Variants in STRN3 observed in about 807,000 individuals in gnomAD.
The protein encoded by STRN3 is striatin-3.
STRN3 carries 29 observed loss-of-function variants against 95.6 expected under a neutral mutation model. The ratio of observed to expected loss-of-function variants is 0.30; its 90% CI spans 0.23 to 0.41. STRN3 has a LOEUF of 0.41. STRN3 is among the 10% of genes least tolerant of loss of function. The pLI is 1.00. For missense variants in STRN3, 890 were observed against 972.1 expected (o/e 0.92, Z 1.12); for synonymous variants, 331 against 357.6 (o/e 0.93, Z 0.84).
intron 8 of STRN3, among the ~76,000 whole-genome samples, chr14:30,927,957 T>TAAAAAAAAAAAAAAAA (rs1878276647): frequency 6.9e-6 from 1 of 144,834 alleles, no homozygotes. Flanking sequence ...AAAAAAAAAT[T>TAAAAAAAAAAAAAAAA]AAACCCTAAA....
intron 1 of STRN3, among the ~76,000 whole-genome samples, chr14:30,992,561 T>C (rs1212209190): frequency 1.3e-5 from 1 of 79,996 alleles, no homozygotes; most frequent in East Asian, 3.6e-4. Flanking sequence ...GGCCCCTGTC[T>C]CTTTAAAAAA....
At chr14:30,933,284 A>T (rs1290607170) in intron 7 of STRN3, among the ~76,000 whole-genome samples, 3 of 149,242 alleles carry the variant, frequency 2.0e-5, no homozygotes, top group Non-Finnish European at 4.5e-5. Flanking sequence ...GTTTCATAAA[A>T]AAAAAAAAAA....
intron 15 of STRN3, among the ~76,000 whole-genome samples, chr14:30,903,854 T>C (rs144710784): frequency 6.6e-6 from 1 of 152,338 alleles, no homozygotes; most frequent in Admixed American, 6.5e-5. Flanking sequence ...TAGTGGAATA[T>C]ACCCTAATTA....
chr14:31,003,958 G>A (rs1281814029), intron 1 of STRN3, among the ~76,000 whole-genome samples: 1 of 151,764 alleles, frequency 6.6e-6, no homozygotes, highest in Non-Finnish European at 1.5e-5. Flanking sequence ...TTTAAGACCA[G>A]CCTGGACAAC....
chr14:31,003,155 G>A (rs982312008), intron 1 of STRN3, among the ~76,000 whole-genome samples: 1 of 151,144 alleles, frequency 6.6e-6, no homozygotes, highest in African/African-American at 2.4e-5. Flanking sequence ...CCAGCTACTC[G>A]GGAGGCTGAG....
intron 1 of STRN3, among the ~76,000 whole-genome samples, chr14:31,016,630 G>A (rs179725): frequency 0.64 from 96,525 of 151,818 alleles, 31,684 homozygotes; most frequent in Non-Finnish European, 0.73. Flanking sequence ...TACAACCTCC[G>A]CCTCCCGGGT....
Position 30,905,537 on chromosome 14 carries a change from A to G in STRN3, c.1910T>C (p.Val637Ala). The change falls in exon 15 of 18, where the codon GTT becomes GCT. Residue 637 changes from valine (V) to alanine (A), a missense_variant. Around this residue, in one of 3 missense-constraint regions of STRN3, gnomAD observed 357 missense variants for 422.8 expected, o/e 0.84. Transcript: ENST00000357479. Reference protein sequence around the residue: ...GDKKHGIPTSVDFIGCDPAHM... With the variant: ...GDKKHGIPTSADFIGCDPAHM... ...AGCTGGATCACAGCCTATAAAGTCA[A>G]CTGATGTAGGTATTCCATGCTCTGA... is the stretch of plus-strand genomic sequence containing the variant. 2 of 1,605,216 alleles carry G rather than the reference A, an allele frequency of 1.2e-6. No individual in the cohort carries two copies. Among genetic ancestry groups the G allele is most frequent in the Non-Finnish European group, 8.5e-7 (1 of 1,176,810 alleles).
At chr14:31,018,658 C>T in intron 1 of STRN3, 1 of 466,046 alleles carries the variant, frequency 2.1e-6, no homozygotes, top group Admixed American at 2.5e-5. Context: ...ACAAAACTGG[C>T]CAGTTTCAGA....
chr14:30,947,781 G>C (rs1331858798), intron 4 of STRN3, among the ~76,000 whole-genome samples: 5 of 152,116 alleles, frequency 3.3e-5, no homozygotes, highest in African/African-American at 4.8e-5. Context: ...CACTCCTCCA[G>C]TCCTGTGATT....
intron 1 of STRN3, among the ~76,000 whole-genome samples, chr14:31,015,465 C>T (rs1009086795): frequency 6.6e-6 from 1 of 151,966 alleles, no homozygotes; most frequent in Admixed American, 6.6e-5. Flanking sequence ...CTCTGCCTCC[C>T]AGGTACAAGC....
At chr14:30,966,147 T>C (rs537600526) in intron 1 of STRN3, among the ~76,000 whole-genome samples, 2 of 152,120 alleles carry the variant, frequency 1.3e-5, no homozygotes, top group South Asian at 2.1e-4. Context: ...AGCCTGTGCA[T>C]CCAATCGGAA....
intron 9 of STRN3, among the ~76,000 whole-genome samples, chr14:30,917,819 G>A (rs1896779744): frequency 6.6e-6 from 1 of 152,118 alleles, no homozygotes; most frequent in Admixed American, 6.5e-5. Flanking sequence ...AAGGGAACAA[G>A]ATGTATTTAA....
At chr14:30,913,442 TAA>T in intron 10 of STRN3, 80 bp downstream of exon 10, 2 of 1,362,280 alleles carry the variant, frequency 1.5e-6, no homozygotes, top group African/African-American at 2.9e-5. Context: ...ACCTTGATAT[TAA>T]TTCTGTTTTA....
At chr14:30,954,111 G>T (rs1566455379) in intron 3 of STRN3, among the ~76,000 whole-genome samples, 1 of 152,038 alleles carries the variant, frequency 6.6e-6, no homozygotes, top group Non-Finnish European at 1.5e-5. Context: ...TTCCATTGTG[G>T]TTTTAAGTTG....
intron 16 of STRN3, among the ~76,000 whole-genome samples, chr14:30,896,208 C>A (rs1307157363): frequency 1.3e-5 from 2 of 152,174 alleles, no homozygotes; most frequent in Admixed American, 6.5e-5. Context: ...AATTTTAATT[C>A]AAATGCATAA....
intron 9 of STRN3, among the ~76,000 whole-genome samples, chr14:30,918,538 C>CCAAGCA (rs1357298317): frequency 1.3e-5 from 2 of 151,882 alleles, no homozygotes; most frequent in Admixed American, 6.6e-5. Flanking sequence ...AAAAAAGGTT[C>CCAAGCA]CAAGCACAAT....
rs530290836 is a variant in STRN3, at chr14:30,894,619, T to C, written c.*792A>G. On this transcript the variant is annotated 3_prime_UTR_variant, in exon 18 of 18. Transcript: ENST00000357479. Reference sequence around the variant, plus strand: ...AATACACTTAATAGTCCTTGGTTTATGAAGACATTTATGTGATGATGAAAG... The same window carrying C: ...AATACACTTAATAGTCCTTGGTTTACGAAGACATTTATGTGATGATGAAAG... 1 of 155,278 alleles carries C rather than the reference T, an allele frequency of 6.4e-6. No homozygotes were observed. Among genetic ancestry groups the C allele is most frequent in the East Asian group, 1.9e-4 (1 of 5,282 alleles). The allele number at this position is 155,278 out of a possible 1,614,324, so 9.6% of individuals were successfully genotyped here. A position where few individuals can be genotyped will look rare whatever the true frequency, so the allele number is the denominator to read the frequency against.
intron 7 of STRN3, among the ~76,000 whole-genome samples, chr14:30,933,835 C>A (rs766523191): frequency 6.6e-6 from 1 of 152,112 alleles, no homozygotes; most frequent in East Asian, 1.9e-4. Flanking sequence ...GTACTTGATT[C>A]ATTTTTTATA....
At chr14:30,955,103 C>T (rs1379645944) in intron 3 of STRN3, among the ~76,000 whole-genome samples, 1 of 152,100 alleles carries the variant, frequency 6.6e-6, no homozygotes, top group South Asian at 2.1e-4. Context: ...TCAGAATAAG[C>T]CTTCATAACC....
Sources: gnomAD v4.1 joint callset for allele counts (sites outside exome capture counted in the v4.1 genomes callset) on GRCh38, gnomAD v4.1.1 for gene constraint, gnomAD v4.1.1 regional missense constraint, MANE v1.5 for transcripts, NCBI Gene and HGNC (gene_info 2026-07-23, HGNC 2026-07-21) for gene names.